LRP1B: variants seen among roughly 807,000 people sequenced by gnomAD.
LRP1B encodes the protein LDL receptor related protein 1B.
Under a neutral mutation model 556.6 loss-of-function variants are expected in LRP1B, and 217 were observed. The ratio of observed to expected loss-of-function variants is 0.39; its 90% CI spans 0.35 to 0.44. The LOEUF (loss-of-function observed/expected upper bound fraction) is 0.44, where lower values mean the gene tolerates loss of function less well. Ranked by LOEUF, LRP1B falls within the 20% of genes least tolerant of loss-of-function variation. The pLI, the probability that LRP1B is intolerant of heterozygous loss-of-function variation, is 1.00. For missense variants in LRP1B, 5,053 were observed against 5,620.8 expected, an observed-to-expected ratio of 0.90 and a Z score of 3.23; for synonymous variants, 2,047 against 1,865.8, an observed-to-expected ratio of 1.10 and a Z score of -2.50.
At chr2:141,392,379 T>C (rs759838084) in intron 3 of LRP1B, among the ~76,000 whole-genome samples, 1 of 145,920 alleles carries the variant, frequency 6.9e-6, no homozygotes, top group Non-Finnish European at 1.5e-5. Flanking sequence ...GGTGAGTAAA[T>C]GCATGTGGTA....
chr2:142,018,814 T>C (rs1467609105), intron 1 of LRP1B, among the ~76,000 whole-genome samples: 1 of 152,102 alleles, frequency 6.6e-6, no homozygotes, highest in East Asian at 1.9e-4. Context: ...GAAGCCAGAT[T>C]TGGAGCTTTC....
intron 41 of LRP1B, among the ~76,000 whole-genome samples, chr2:140,673,097 T>C (rs1006352399): frequency 6.6e-6 from 1 of 152,208 alleles, no homozygotes; most frequent in Admixed American, 6.5e-5. Flanking sequence ...TGGTTATTTT[T>C]TGCTTAACAG....
intron 3 of LRP1B, among the ~76,000 whole-genome samples, chr2:141,471,431 A>C (rs191204707): frequency 2.1e-3 from 316 of 152,232 alleles, no homozygotes; most frequent in Non-Finnish European, 3.6e-3. Flanking sequence ...TCAAGTATGT[A>C]TGCTTCAACC....
At chr2:140,734,742 T>A (rs376059213) in intron 35 of LRP1B, among the ~76,000 whole-genome samples, 24,272 of 152,094 alleles carry the variant, frequency 0.16, 2,025 homozygotes, top group South Asian at 0.2. Flanking sequence ...CTAATGACTG[T>A]GTGAAGCAGA....
At chr2:140,475,466 G>T (rs1293737785) in intron 59 of LRP1B, 129 bp from the exon 60 acceptor site, 2 of 583,904 alleles carry the variant, frequency 3.4e-6, no homozygotes, top group Non-Finnish European at 2.8e-6. Context: ...CAGCTTTTAA[G>T]AAACATCCTT....
chr2:140,331,254 C>G (rs182100610), intron 79 of LRP1B, among the ~76,000 whole-genome samples: 52 of 152,022 alleles, frequency 3.4e-4, no homozygotes, highest in African/African-American at 2.4e-5. Context: ...AAAAGGAATG[C>G]GATCATGTCC....
intron 67 of LRP1B, among the ~76,000 whole-genome samples, chr2:140,380,408 A>G (rs905726618): frequency 1.3e-5 from 2 of 152,204 alleles, no homozygotes; most frequent in Middle Eastern, 3.2e-3. Context: ...TAATAACAAG[A>G]AGAAACTCAT....
At chr2:141,893,970 T>G (rs1187542155) in intron 1 of LRP1B, among the ~76,000 whole-genome samples, 1 of 152,122 alleles carries the variant, frequency 6.6e-6, no homozygotes, top group Non-Finnish European at 1.5e-5. Context: ...ACTCTTTTTC[T>G]TTTTGTTTTA....
intron 1 of LRP1B, among the ~76,000 whole-genome samples, chr2:142,094,042 C>T (rs1422928656): frequency 6.6e-6 from 1 of 152,006 alleles, no homozygotes; most frequent in East Asian, 1.9e-4. Flanking sequence ...TCTTCCAATT[C>T]ATAGATGTCA....
At position 141,089,683 on chromosome 2, in the gene LRP1B, T is replaced by A. The variant is rs1700130286; in HGVS notation, c.1014-27410A>T. ...GGGTAAAAAACACACCTCAGAATTA[T>A]CTCAGTTAAAGAATGAGGGAGTTGG... On this transcript the variant is annotated intron_variant, in intron 7 of 90. Transcript: ENST00000389484. Among the ~76,000 whole-genome samples, 2 of 152,188 alleles carry A rather than the reference T, an allele frequency of 1.3e-5. 1 individual carries two copies. Among genetic ancestry groups the A allele is most frequent in the South Asian group, 4.1e-4 (2 of 4,828 alleles).
intron 3 of LRP1B, among the ~76,000 whole-genome samples, chr2:141,298,975 C>T (rs62166645): frequency 6.7e-5 from 10 of 148,170 alleles, no homozygotes; most frequent in African/African-American, 2.5e-4. Flanking sequence ...AAAAAAAACC[C>T]ACAAAAACAA....
intron 41 of LRP1B, among the ~76,000 whole-genome samples, chr2:140,606,003 A>G (rs573504582): frequency 2.6e-5 from 4 of 152,022 alleles, no homozygotes; most frequent in Admixed American, 6.6e-5. Flanking sequence ...AGATTCCAGC[A>G]AGGGTAATTG....
At chr2:140,858,501 G>GGAGAGAGAGAGAGAGA (rs35791983) in intron 27 of LRP1B, among the ~76,000 whole-genome samples, 60 of 139,930 alleles carry the variant, frequency 4.3e-4, no homozygotes, top group African/African-American at 5.8e-4. Context: ...TTATATATAT[G>GGAGAGAGAGAGAGAGA]GAGAGAGAGA....
chr2:142,111,735 C>G (rs1192987401), intron 1 of LRP1B, among the ~76,000 whole-genome samples: 1 of 151,980 alleles, frequency 6.6e-6, no homozygotes, highest in African/African-American at 2.4e-5. Flanking sequence ...GAATCCATGC[C>G]AGTCTTAAAT....
At chr2:140,968,468 A>T (rs1398486553) in intron 18 of LRP1B, among the ~76,000 whole-genome samples, 6 of 148,272 alleles carry the variant, frequency 4.0e-5, no homozygotes, top group South Asian at 2.2e-4. Flanking sequence ...TGATCTTTTT[A>T]AAAAAACAAC....
chr2:141,978,159 G>A (rs1701937742), intron 1 of LRP1B, among the ~76,000 whole-genome samples: 1 of 152,078 alleles, frequency 6.6e-6, no homozygotes, highest in Admixed American at 6.6e-5. Context: ...AATATGGATA[G>A]TGAGTGAATG....
chr2:141,987,549 G>GTTTTTTTTTTTTTTTTTTT (rs5834887), intron 1 of LRP1B, among the ~76,000 whole-genome samples: 7 of 139,974 alleles, frequency 5.0e-5, no homozygotes, highest in Admixed American at 1.4e-4. Flanking sequence ...GATTTAAGCT[G>GTTTTTTTTTTTTTTTTTTT]TTTTTTTTTT....
At chr2:141,911,391 G>T (rs979735886) in intron 1 of LRP1B, among the ~76,000 whole-genome samples, 23 of 152,184 alleles carry the variant, frequency 1.5e-4, no homozygotes, top group Non-Finnish European at 2.4e-4. Flanking sequence ...CTTTAGCACT[G>T]GTATATCAAT....
intron 2 of LRP1B, among the ~76,000 whole-genome samples, chr2:141,767,574 T>C (rs1319802861): frequency 6.6e-6 from 1 of 151,812 alleles, no homozygotes; most frequent in African/African-American, 2.4e-5. Flanking sequence ...CTCTTAATTT[T>C]ATAGCTTTAT....
Sources: allele counts gnomAD v4.1 joint callset (sites outside exome capture counted in the v4.1 genomes callset), GRCh38; gene constraint gnomAD v4.1.1; transcripts MANE v1.5; gene names NCBI Gene and HGNC (gene_info 2026-07-23, HGNC 2026-07-21).